The following ZNF808 variants were observed in gnomAD, a reference collection of about 807,000 sequenced individuals.
ZNF808 encodes zinc finger protein 808.
In ZNF808, 5 loss-of-function variants were observed where a neutral mutation model predicts 8.7. The observed-to-expected ratio is 0.58, with a 90% CI of 0.30 to 1.21. The LOEUF (loss-of-function observed/expected upper bound fraction) is 1.21. ZNF808 is among the 50% of genes most tolerant of loss of function. The pLI is 0.07. For missense variants in ZNF808, 1,103 were observed against 1,098.4 expected (o/e 1.00, Z -0.06); for synonymous variants, 380 against 366.0 (o/e 1.04, Z -0.44).
chr19:52,567,020 C>T (rs1369189193), downstream of ZNF808, among the ~76,000 whole-genome samples: 7 of 149,820 alleles, frequency 4.7e-5, no homozygotes, highest in South Asian at 2.1e-4. Flanking sequence ...AGGACAATCT[C>T]GGCTCATTGC....
intron 4 of ZNF808, among the ~76,000 whole-genome samples, chr19:52,548,445 C>T (rs752555171): frequency 5.9e-5 from 9 of 152,004 alleles, no homozygotes; most frequent in Non-Finnish European, 8.8e-5. Context: ...GTTTTTTTCT[C>T]ATAGTCTTGC....
intron 1 of ZNF808, among the ~76,000 whole-genome samples, chr19:52,529,075 G>A (rs906503752): frequency 9.9e-5 from 15 of 151,610 alleles, no homozygotes; most frequent in East Asian, 1.9e-4. Context: ...GGAGGGAAGC[G>A]CAGTAATGAA....
chr19:52,537,716 T>C (rs990576578), intron 2 of ZNF808, among the ~76,000 whole-genome samples: 1 of 152,014 alleles, frequency 6.6e-6, no homozygotes, highest in African/African-American at 2.4e-5. Context: ...GTGGGGGACT[T>C]TGGGTACAGA....
intron 4 of ZNF808, 101 bp downstream of exon 4, chr19:52,547,739 GTTTT>G (rs1300723717): frequency 1.7e-3 from 1,709 of 1,002,506 alleles, no homozygotes; most frequent in South Asian, 3.6e-3. Flanking sequence ...ATCCATGCTG[GTTTT>G]TTTTTTTTTT....
At chr19:52,543,841 C>T (rs2059695973) in intron 3 of ZNF808, among the ~76,000 whole-genome samples, 1 of 126,486 alleles carries the variant, frequency 7.9e-6, no homozygotes, top group Non-Finnish European at 1.6e-5. Context: ...TCTCTGTGTC[C>T]AAATTTTTTT....
intron 1 of ZNF808, among the ~76,000 whole-genome samples, chr19:52,531,744 A>G (rs1413514732): frequency 7.3e-5 from 7 of 96,000 alleles, no homozygotes; most frequent in Admixed American, 4.1e-4. Flanking sequence ...TACACATTCT[A>G]TGTTTTATAT....
chr19:52,546,165 T>A (rs2123146513), intron 3 of ZNF808, among the ~76,000 whole-genome samples: 1 of 151,244 alleles, frequency 6.6e-6, no homozygotes, highest in Non-Finnish European at 1.5e-5. Context: ...ATGTTAGTCA[T>A]GGCTATTGCT....
downstream of ZNF808, among the ~76,000 whole-genome samples, chr19:52,566,893 A>G (rs1466673190): frequency 6.6e-6 from 1 of 152,136 alleles, no homozygotes; most frequent in Non-Finnish European, 1.5e-5. Context: ...ATGACAATGT[A>G]TGCTTCTAAG....
At chr19:52,528,748 C>G (rs2123049110) in intron 1 of ZNF808, among the ~76,000 whole-genome samples, 1 of 151,810 alleles carries the variant, frequency 6.6e-6, no homozygotes, top group African/African-American at 2.4e-5. Flanking sequence ...TGGGGTGACA[C>G]AGAGTGGGGA....
At chr19:52,540,564 AT>A (rs988478939) in intron 2 of ZNF808, among the ~76,000 whole-genome samples, 3 of 152,130 alleles carry the variant, frequency 2.0e-5, no homozygotes, top group African/African-American at 7.2e-5. Flanking sequence ...TAACATGAAA[AT>A]TCAGTTGAAG....
chr19:52,544,295 T>C, intron 3 of ZNF808, among the ~76,000 whole-genome samples: 1 of 152,180 alleles, frequency 6.6e-6, no homozygotes, highest in East Asian at 1.9e-4. Flanking sequence ...AGAGCCTGAA[T>C]GATAGGCATG....
rs1459737007 is a variant in ZNF808, at chr19:52,543,913, T to C, written c.63+566T>C. The stretch of plus-strand genomic sequence containing the variant: ...GTGGCTTACACCTGTAATCCCAGCA[T>C]TTTGGGAGGCCAAGGCAGGAAGATC... On this transcript the variant is annotated intron_variant, in intron 3 of 4. Transcript: ENST00000359798. Among the ~76,000 whole-genome samples, 6 of 151,978 alleles carry C rather than the reference T, an allele frequency of 3.9e-5. No individual in the cohort carries two copies. The East Asian group carries it at 1.2e-3, about 29-fold the overall frequency.
Position 52,555,289 on chromosome 19 carries a change from C to T in ZNF808, c.2373C>T (p.Tyr791=), listed in dbSNP as rs764044099. The change falls in exon 5 of 5, where the codon TAC becomes TAT. Residue 791 remains tyrosine, a synonymous_variant. Coordinates refer to ENST00000359798, the MANE Select transcript of ZNF808 (RefSeq NM_001039886.4). ...GACTTCATACTGGAGAGAAATCTTA[C>T]AAATGTACGGTTTGTGACAAGGCTT... ...HRRLHTGEKS[Y]KCTVCDKAFV... 1 of 1,614,140 alleles carries T rather than the reference C, an allele frequency of 6.2e-7. No homozygotes were observed. Among genetic ancestry groups the T allele is most frequent in the Non-Finnish European group, 8.5e-7 (1 of 1,180,028 alleles).
At chr19:52,561,480 T>C (rs900469983) in intron 3 of ZNF808, among the ~76,000 whole-genome samples, 3 of 152,006 alleles carry the variant, frequency 2.0e-5, no homozygotes, top group East Asian at 3.9e-4. Context: ...TATGTGCAAA[T>C]TGGGGTCATG....
chr19:52,559,141 A>G (rs555685522), downstream of ZNF808, among the ~76,000 whole-genome samples: 12 of 152,150 alleles, frequency 7.9e-5, no homozygotes, highest in African/African-American at 2.9e-4. Flanking sequence ...GAGGATTAGT[A>G]AAAGAGGAAG....
At position 52,540,128 on chromosome 19, in the gene ZNF808, C is replaced by T. The variant is rs568912024; in HGVS notation, c.-19-3138C>T. On this transcript the variant is annotated intron_variant, in intron 2 of 4. Transcript: ENST00000359798. ...CTGGGGTCAAGCGATTTTCCTGCCT[C>T]AGCCTCCTGAGTAGCTGGAGTTACA... 1.1e-4 allele frequency among the ~76,000 whole-genome samples: 17 copies of T among 152,290 alleles called. No homozygotes were observed. In the South Asian group the frequency reaches 1.4e-3, roughly 13 times the overall value.
At chr19:52,563,989 T>C in exon 4 of ZNF808, 1 of 405,512 alleles carries the variant, frequency 2.5e-6, no homozygotes, top group Non-Finnish European at 4.5e-6. Context: ...AGAGCAAACC[T>C]CTGTCTAAAA....
At chr19:52,551,356 CA>C (rs58565837) in intron 4 of ZNF808, among the ~76,000 whole-genome samples, 3,094 of 125,020 alleles carry the variant, frequency 0.025, 64 homozygotes, top group African/African-American at 0.059. Flanking sequence ...CATTTGCCAC[CA>C]AAAAAAAAAA....
intron 3 of ZNF808, among the ~76,000 whole-genome samples, chr19:52,547,198 T>G (rs534161579): frequency 6.6e-6 from 1 of 152,192 alleles, no homozygotes; most frequent in African/African-American, 2.4e-5. Flanking sequence ...TCTGCCCAAC[T>G]TGGCCTCCTG....
Sources: allele counts gnomAD v4.1 joint callset (sites outside exome capture counted in the v4.1 genomes callset), GRCh38; gene constraint gnomAD v4.1.1; transcripts MANE v1.5; gene names NCBI Gene and HGNC (gene_info 2026-07-23, HGNC 2026-07-21).